Variants in RIN2 observed in about 807,000 individuals in gnomAD.
RIN2 encodes Ras and Rab interactor 2, also known as RAB5 interacting protein 2.
Under a neutral mutation model 78.0 loss-of-function variants are expected in RIN2, and 36 were observed. That is an observed-to-expected ratio of 0.46 (90% CI 0.35 to 0.61). RIN2 has a LOEUF of 0.61. RIN2 is among the 20% of genes least tolerant of loss of function. The pLI, the probability that RIN2 is intolerant of heterozygous loss-of-function variation, is 0.00. For missense variants in RIN2, 1,087 were observed against 1,159.7 expected, an observed-to-expected ratio of 0.94 and a Z score of 0.91; for synonymous variants, 466 against 466.8, an observed-to-expected ratio of 1.00 and a Z score of 0.02.
intron 9 of RIN2, among the ~76,000 whole-genome samples, chr20:19,986,331 G>A (rs907203272): frequency 2.6e-5 from 4 of 151,986 alleles, no homozygotes; most frequent in African/African-American, 9.7e-5. Context: ...TTTGGGGAGG[G>A]TGGGGAGGAG....
intron 2 of RIN2, among the ~76,000 whole-genome samples, chr20:19,815,944 C>T (rs1269357367): frequency 1.3e-5 from 2 of 152,138 alleles, no homozygotes; most frequent in African/African-American, 2.4e-5. Flanking sequence ...TGATAACATA[C>T]GGGAAAATTT....
chr20:19,825,560 C>A (rs571540283), intron 2 of RIN2, among the ~76,000 whole-genome samples: 10 of 152,286 alleles, frequency 6.6e-5, no homozygotes, highest in African/African-American at 2.4e-4. Flanking sequence ...CTTTCCTTAC[C>A]TCAATCCAGT....
intron 3 of RIN2, among the ~76,000 whole-genome samples, chr20:19,925,899 A>G (rs552766609): frequency 1.3e-3 from 197 of 152,330 alleles, no homozygotes; most frequent in Non-Finnish European, 2.3e-3. Flanking sequence ...ACACACACAC[A>G]GGTGACCATC....
At chr20:19,970,038 G>T (rs938414350) in intron 7 of RIN2, among the ~76,000 whole-genome samples, 1 of 152,208 alleles carries the variant, frequency 6.6e-6, no homozygotes, top group Non-Finnish European at 1.5e-5. Flanking sequence ...CTCCTGTTGG[G>T]TCTGTTGCTC....
At chr20:19,825,661 A>G (rs917902356) in intron 2 of RIN2, among the ~76,000 whole-genome samples, 1 of 152,206 alleles carries the variant, frequency 6.6e-6, no homozygotes, top group Non-Finnish European at 1.5e-5. Context: ...TTCCACCAAT[A>G]CGGATACTGC....
chr20:19,966,458 G>A (rs2041942448), intron 7 of RIN2, among the ~76,000 whole-genome samples: 1 of 151,936 alleles, frequency 6.6e-6, no homozygotes, highest in African/African-American at 2.4e-5. Flanking sequence ...TGAGTAGCTG[G>A]GATTACAGGC....
chr20:19,938,920 T>C (rs2040754955), intron 4 of RIN2, among the ~76,000 whole-genome samples: 2 of 152,348 alleles, frequency 1.3e-5, no homozygotes, highest in South Asian at 2.1e-4. Context: ...GGTTCATTCC[T>C]TCCTGGGTCT....
Position 19,772,700 on chromosome 20 carries a change from C to A in RIN2, c.-163+14373C>A, listed in dbSNP as rs1600415948. ...TCACATGGCTGCCTCATCTCAGAACCCTGACCAGCCTGTGAGATGATCACT... is the reference window on the plus strand; with the variant it reads ...TCACATGGCTGCCTCATCTCAGAACACTGACCAGCCTGTGAGATGATCACT... On this transcript the variant is annotated intron_variant, in intron 1 of 12. Transcript: ENST00000255006. Among the ~76,000 whole-genome samples the A allele has an allele frequency of 2.0e-5, 3 of 152,348 alleles. No individual in the cohort carries two copies. In the Middle Eastern group the frequency reaches 0.01, roughly 518 times the overall value.
At chr20:19,800,442 A>G (rs1367083112) in intron 2 of RIN2, among the ~76,000 whole-genome samples, 3 of 152,226 alleles carry the variant, frequency 2.0e-5, no homozygotes, top group South Asian at 2.1e-4. Context: ...CTGCCTTGAC[A>G]TAAAGAATGT....
intron 1 of RIN2, among the ~76,000 whole-genome samples, chr20:19,786,088 T>A (rs2034667318): frequency 6.6e-6 from 1 of 152,154 alleles, no homozygotes; most frequent in Non-Finnish European, 1.5e-5. Flanking sequence ...TGTATTTTTC[T>A]AAACATAGCC....
At chr20:19,990,434 G>A in intron 10 of RIN2, 123 bp downstream of exon 10, 1 of 899,594 alleles carries the variant, frequency 1.1e-6, no homozygotes, top group South Asian at 1.8e-5. Context: ...TTCACCAAGT[G>A]GCTTACAGAA....
chr20:19,852,961 G>A (rs1339743452), intron 2 of RIN2, among the ~76,000 whole-genome samples: 2 of 150,896 alleles, frequency 1.3e-5, no homozygotes, highest in South Asian at 2.1e-4. Context: ...GTATACATGT[G>A]CCATGTTGGT....
chr20:19,833,196 C>T (rs930040935), intron 2 of RIN2, among the ~76,000 whole-genome samples: 1 of 152,040 alleles, frequency 6.6e-6, no homozygotes, highest in African/African-American at 2.4e-5. Flanking sequence ...ACCGTCTTTT[C>T]AATGATAGTC....
chr20:19,844,617 TC>T, intron 2 of RIN2, among the ~76,000 whole-genome samples: 1 of 76,392 alleles, frequency 1.3e-5, no homozygotes, highest in African/African-American at 5.1e-5. Context: ...TTCTTCTTCT[TC>T]TTCTTCTTCT....
intron 1 of RIN2, among the ~76,000 whole-genome samples, chr20:19,788,439 A>AAC (rs1555818734): frequency 7.5e-6 from 1 of 132,994 alleles, no homozygotes; most frequent in African/African-American, 3.3e-5. Context: ...TGCCAAAAAA[A>AAC]AAAAAAAAAA....
chr20:19,775,903 C>T (rs751883821), intron 1 of RIN2, among the ~76,000 whole-genome samples: 2 of 152,258 alleles, frequency 1.3e-5, no homozygotes, highest in Non-Finnish European at 2.9e-5. Flanking sequence ...GGCTTCGCTC[C>T]ACCCAGGCAA....
chr20:19,779,970 AT>A (rs1216389928), intron 1 of RIN2, among the ~76,000 whole-genome samples: 1 of 152,168 alleles, frequency 6.6e-6, no homozygotes, highest in Non-Finnish European at 1.5e-5. Context: ...TAGTTCAATC[AT>A]TTCCTTTCTG....
chr20:19,833,296 T>TATATATATATATATATATATATATATA (rs1568794611), intron 2 of RIN2, among the ~76,000 whole-genome samples: 9 of 152,018 alleles, frequency 5.9e-5, no homozygotes, highest in African/African-American at 1.9e-4. Context: ...TATATATATA[T>TATATATATATATATATATATATATATA]TTTAACTTTA....
intron 2 of RIN2, among the ~76,000 whole-genome samples, chr20:19,840,965 T>C (rs566168196): frequency 2.0e-5 from 3 of 152,270 alleles, no homozygotes; most frequent in South Asian, 2.1e-4. Flanking sequence ...TTGTCTCACT[T>C]TTCTCTTTTT....
Sources: allele counts gnomAD v4.1 joint callset (sites outside exome capture counted in the v4.1 genomes callset), GRCh38; gene constraint gnomAD v4.1.1; transcripts MANE v1.5; gene names NCBI Gene and HGNC (gene_info 2026-07-23, HGNC 2026-07-21).